ADARB2: variants seen among roughly 807,000 people sequenced by gnomAD.
The protein encoded by ADARB2 is inactive double-stranded RNA-specific editase B2.
ADARB2 carries 25 observed loss-of-function variants against 62.2 expected under a neutral mutation model. The observed-to-expected ratio is 0.40, with a 90% confidence interval of 0.29 to 0.56. ADARB2 has a LOEUF of 0.56. ADARB2 is among the 20% of genes least tolerant of loss of function. The pLI is 0.43. For synonymous variants in ADARB2, 572 were observed against 500.8 expected, an observed-to-expected ratio of 1.14 and a Z score of -1.90; for missense variants, 1,071 against 1,077.4, an observed-to-expected ratio of 0.99 and a Z score of 0.08.
intron 1 of ADARB2, among the ~76,000 whole-genome samples, chr10:1,497,984 TA>T (rs958887980): frequency 1.3e-5 from 2 of 152,036 alleles, no homozygotes; most frequent in African/African-American, 2.4e-5. Context: ...GTGGCAAAGA[TA>T]AAAAAATCTC....
intron 1 of ADARB2, among the ~76,000 whole-genome samples, chr10:1,417,080 T>G (rs1832810518): frequency 6.6e-6 from 1 of 151,886 alleles, no homozygotes; most frequent in Non-Finnish European, 1.5e-5. Flanking sequence ...TGGGATATAA[T>G]AGATGGGCAG....
chr10:1,649,571 T>G (rs1216725927), intron 1 of ADARB2, among the ~76,000 whole-genome samples: 1 of 152,246 alleles, frequency 6.6e-6, no homozygotes, highest in Admixed American at 6.5e-5. Context: ...CTCAAATGTT[T>G]AGGCACATAT....
intron 1 of ADARB2, among the ~76,000 whole-genome samples, chr10:1,579,133 G>C (rs12256299): frequency 0.48 from 73,676 of 151,984 alleles, 18,355 homozygotes; most frequent in South Asian, 0.55. Flanking sequence ...CTAGCACACC[G>C]CTTTATATCA....
intron 1 of ADARB2, among the ~76,000 whole-genome samples, chr10:1,628,975 C>G (rs1046414603): frequency 2.6e-5 from 4 of 152,172 alleles, no homozygotes; most frequent in African/African-American, 9.7e-5. Context: ...GGCTGGACAG[C>G]TGGCCGGGTT....
intron 1 of ADARB2, among the ~76,000 whole-genome samples, chr10:1,553,639 G>C (rs943759006): frequency 1.3e-5 from 2 of 152,214 alleles, no homozygotes; most frequent in African/African-American, 2.4e-5. Context: ...TTCTCTGTTT[G>C]ATTTCCAACA....
intron 1 of ADARB2, among the ~76,000 whole-genome samples, chr10:1,422,010 T>C (rs2805542): frequency 0.99 from 150,956 of 152,352 alleles, 74,798 homozygotes; most frequent in Middle Eastern, 1. Context: ...AGGCTTGAGG[T>C]GCCTGCATCT....
At chr10:1,378,336 T>A (rs1832452248) in intron 2 of ADARB2, among the ~76,000 whole-genome samples, 1 of 152,190 alleles carries the variant, frequency 6.6e-6, no homozygotes, top group Non-Finnish European at 1.5e-5. Context: ...ACCCAGCCCT[T>A]TCCTTGTTAA....
At chr10:1,676,309 C>T (rs1225714388) in intron 1 of ADARB2, among the ~76,000 whole-genome samples, 2 of 152,142 alleles carry the variant, frequency 1.3e-5, no homozygotes, top group Non-Finnish European at 2.9e-5. Context: ...GACGCCCCCA[C>T]CCAGAACTGC....
intron 3 of ADARB2, among the ~76,000 whole-genome samples, chr10:1,336,006 C>A (rs1831972184): frequency 2.0e-5 from 3 of 152,216 alleles, no homozygotes; most frequent in Non-Finnish European, 4.4e-5. Context: ...CAAATGTAAA[C>A]ATAATTAGCT....
At chr10:1,233,942 C>T (rs979384414) in intron 5 of ADARB2, 97 bp from the exon 6 acceptor site, 2 of 1,273,104 alleles carry the variant, frequency 1.6e-6, no homozygotes, top group African/African-American at 3.2e-5. Context: ...AGAGTTGTTC[C>T]CCAAGTTTTC....
chr10:1,734,532 A>G (rs1367390025), intron 1 of ADARB2, among the ~76,000 whole-genome samples: 1 of 152,204 alleles, frequency 6.6e-6, no homozygotes, highest in Non-Finnish European at 1.5e-5. Flanking sequence ...CACATAGAAA[A>G]GGAGCCAGAT....
At chr10:1,470,618 A>G (rs991402709) in intron 1 of ADARB2, among the ~76,000 whole-genome samples, 3 of 152,248 alleles carry the variant, frequency 2.0e-5, no homozygotes, top group African/African-American at 4.8e-5. Flanking sequence ...TATTAACTCA[A>G]GAACACCAAT....
chr10:1,596,329 G>A (rs1458382515), intron 1 of ADARB2, among the ~76,000 whole-genome samples: 1 of 152,132 alleles, frequency 6.6e-6, no homozygotes, highest in Non-Finnish European at 1.5e-5. Context: ...ATCTTGTTTA[G>A]GAGTAAAATG....
At chr10:1,295,486 C>A (rs1210872276) in intron 3 of ADARB2, among the ~76,000 whole-genome samples, 7 of 152,110 alleles carry the variant, frequency 4.6e-5, no homozygotes, top group Non-Finnish European at 8.8e-5. Flanking sequence ...TCAGAGATGT[C>A]CGATGCAATT....
intron 1 of ADARB2, among the ~76,000 whole-genome samples, chr10:1,537,902 C>A (rs1358512490): frequency 6.6e-6 from 1 of 152,222 alleles, no homozygotes; most frequent in African/African-American, 2.4e-5. Context: ...ACAGGTGCAG[C>A]AAACCCCCAT....
chr10:1,713,123 G>A (rs1192244043), intron 1 of ADARB2, among the ~76,000 whole-genome samples: 2 of 152,224 alleles, frequency 1.3e-5, no homozygotes, highest in African/African-American at 4.8e-5. Context: ...GATGGAGGCT[G>A]CAGACATGGG....
At chr10:1,310,586 C>T (rs369759842) in intron 3 of ADARB2, among the ~76,000 whole-genome samples, 12 of 152,310 alleles carry the variant, frequency 7.9e-5, no homozygotes, top group South Asian at 2.1e-4. Flanking sequence ...AGAGCCCACT[C>T]GGTGCTGGGC....
At chr10:1,343,938 G>A (rs1343972549) in intron 3 of ADARB2, among the ~76,000 whole-genome samples, 2 of 152,000 alleles carry the variant, frequency 1.3e-5, no homozygotes, top group African/African-American at 2.4e-5. Flanking sequence ...TAATCACATG[G>A]GTAACAAAAC....
At chr10:1,702,009 A>G (rs1834828689) in intron 1 of ADARB2, among the ~76,000 whole-genome samples, 1 of 152,260 alleles carries the variant, frequency 6.6e-6, no homozygotes, top group South Asian at 2.1e-4. Flanking sequence ...ATTTAAAGAA[A>G]GACAAAGAGA....
Sources: gnomAD v4.1 joint callset for allele counts (sites outside exome capture counted in the v4.1 genomes callset) on GRCh38, gnomAD v4.1.1 for gene constraint, MANE v1.5 for transcripts, NCBI Gene and HGNC (gene_info 2026-07-23, HGNC 2026-07-21) for gene names.